Variants in TBC1D16 observed in about 807,000 individuals in gnomAD.
TBC1D16 encodes the protein TBC1 domain family member 16.
Under a neutral mutation model 74.7 loss-of-function variants are expected in TBC1D16, and 58 were observed. That is an observed-to-expected ratio of 0.78 (90% CI 0.63 to 0.97). TBC1D16 has a LOEUF of 0.97. TBC1D16 is among the 50% of genes least tolerant of loss of function. The pLI, the probability that TBC1D16 is intolerant of heterozygous loss-of-function variation, is 0.00. For missense variants in TBC1D16, 1,014 were observed against 1,079.5 expected (o/e 0.94, Z 0.85); for synonymous variants, 493 against 474.7 (o/e 1.04, Z -0.50).
In TBC1D16 at chr17:80,001,529, C is replaced by T. The variant is rs2035483713; in HGVS notation, c.779+8631G>A. Among the ~76,000 whole-genome samples, 1 of 151,314 alleles carries T rather than the reference C, an allele frequency of 6.6e-6. No homozygotes were observed. Among genetic ancestry groups the T allele is most frequent in the Admixed American group, 6.6e-5 (1 of 15,196 alleles). On this transcript the variant is annotated intron_variant, in intron 3 of 11. Coordinates refer to ENST00000310924, the MANE Select transcript of TBC1D16 (RefSeq NM_019020.4). The surrounding 1 kb of genome is among the most constrained non-coding windows in gnomAD (Gnocchi z 5.8). ...GGGTTCCTGGAGCATCCTCAGGGGG[C>T]GGCGGGCGCTCTCGGGGTATCCCCG...
intron 3 of TBC1D16, among the ~76,000 whole-genome samples, chr17:80,004,894 C>T (rs553045306): frequency 6.6e-6 from 1 of 152,330 alleles, no homozygotes; most frequent in South Asian, 2.1e-4. Flanking sequence ...ACGCTGGCCT[C>T]CAACTGCCAA....
intron 1 of TBC1D16, among the ~76,000 whole-genome samples, chr17:80,024,904 T>TCA (rs145513640): frequency 0.98 from 136,829 of 139,198 alleles, 67,325 homozygotes; most frequent in Middle Eastern, 0.99. Context: ...TGCATAAACA[T>TCA]CACACACACA....
chr17:79,951,785 G>A (rs1034147338), intron 4 of TBC1D16, among the ~76,000 whole-genome samples, 188 bp from the exon 5 acceptor site: 2 of 152,172 alleles, frequency 1.3e-5, no homozygotes, highest in Non-Finnish European at 2.9e-5. Context: ...CCCCTTTGCC[G>A]AAGATGGCAA....
rs976818790 is a variant in TBC1D16 at position 79,956,967 on chromosome 17, T to C, written c.780-4149A>G. Among the ~76,000 whole-genome samples the C allele has an allele frequency of 6.6e-6, 1 of 152,192 alleles. No individual in the cohort carries two copies. The highest frequency in any genetic ancestry group is 2.4e-5 in the African/African-American group (1 of 41,460). ...GCGGTGGCTCCTGGGTCCAGGACTC[T>C]TGCCTAGATAGAAACTGGCACTGGC... is the stretch of plus-strand genomic sequence containing the variant. On this transcript the variant is annotated intron_variant, in intron 3 of 11. Coordinates refer to ENST00000310924, the MANE Select transcript of TBC1D16 (RefSeq NM_019020.4). The surrounding 1 kb of genome is among the most constrained non-coding windows in gnomAD (Gnocchi z 4.0).
intron 3 of TBC1D16, among the ~76,000 whole-genome samples, chr17:79,989,901 C>T (rs749668420): frequency 6.6e-6 from 1 of 152,082 alleles, no homozygotes; most frequent in Non-Finnish European, 1.5e-5. Context: ...AAAAGTCAGC[C>T]GAGGGGTCCC....
Position 79,981,246 on chromosome 17 carries a change from C to T in TBC1D16, c.780-28428G>A, listed in dbSNP as rs1166068164. On this transcript the variant is annotated intron_variant, in intron 3 of 11. Coordinates refer to ENST00000310924, the MANE Select transcript of TBC1D16 (RefSeq NM_019020.4). The surrounding 1 kb of genome is among the most constrained non-coding windows in gnomAD (Gnocchi z 6.9). ...AGCCAGCATCTTCCGCACCAATGCA[C>T]TGCTTGGCCCGGCTCAGAGGATTTG... is the stretch of plus-strand genomic sequence containing the variant. Among the ~76,000 whole-genome samples, 1 of 152,220 alleles carries T rather than the reference C, an allele frequency of 6.6e-6. No homozygotes were observed. The highest frequency in any genetic ancestry group is 2.4e-5 in the African/African-American group (1 of 41,454).
intron 4 of TBC1D16, 35 bp downstream of exon 4, chr17:79,952,622 C>T (rs1445263892): frequency 6.4e-7 from 1 of 1,562,142 alleles, no homozygotes; most frequent in Non-Finnish European, 8.7e-7. Flanking sequence ...CACACACAGG[C>T]CAACTCCCAG....
chr17:80,010,251 A>G lies in TBC1D16; in HGVS notation c.688T>C (p.Ser230Pro). The G allele has an allele frequency of 1.2e-6, 2 of 1,613,460 alleles. No individual in the cohort carries two copies. The highest frequency in any genetic ancestry group is 1.7e-6 in the Non-Finnish European group (2 of 1,179,832). The stretch of plus-strand genomic sequence containing the variant: ...CAGAAGGGCGAGGAGAAGGTGTCTG[A>G]GTCTGAGTCAAAGGAGCTGTCTCTG... ...VSRDSSFDSD[S>P]DTFSSPFCLS... Residue 230 changes from serine to proline, a missense_variant, in exon 3 of 12, where the codon TCA becomes CCA. Ser to Pro is a moderately conservative substitution (Grantham distance 74). Coordinates refer to ENST00000310924, the MANE Select transcript of TBC1D16 (RefSeq NM_019020.4). This position sits in a 1 kb window ranked among gnomAD's most constrained non-coding sequence, Gnocchi z 8.8.
In TBC1D16 at chr17:80,009,091, C is replaced by T. The variant is rs2144656080; in HGVS notation, c.779+1069G>A. On this transcript the variant is annotated intron_variant, in intron 3 of 11. Transcript: ENST00000310924. This position sits in a 1 kb window ranked among gnomAD's most constrained non-coding sequence, Gnocchi z 5.4. Reference sequence around the variant, plus strand: ...AGGGCCCACCTCACGGGGCGTGGGGCTGTGGAAAGCACACACGTACCATCC... The same window carrying T: ...AGGGCCCACCTCACGGGGCGTGGGGTTGTGGAAAGCACACACGTACCATCC... 6.6e-6 allele frequency among the ~76,000 whole-genome samples: 1 copy of T among 152,366 alleles called. No homozygotes were observed. The highest frequency in any genetic ancestry group is 3.4e-3 in the Middle Eastern group (1 of 294).
Position 79,941,984 on chromosome 17 carries a change from C to G in TBC1D16, c.2055+76G>C. 7.2e-7 allele frequency: 1 copy of G among 1,391,278 alleles called. No homozygotes were observed. The highest frequency in any genetic ancestry group is 9.6e-7 in the Non-Finnish European group (1 of 1,046,542). 86.2% of individuals were successfully genotyped at this position (1,391,278 alleles called of 1,614,324 possible). On this transcript the variant is annotated intron_variant, in intron 11 of 11. Transcript: ENST00000310924. This position sits in a 1 kb window ranked among gnomAD's most constrained non-coding sequence, Gnocchi z 4.3. ...GGGGCCCACATCTGGGGCAGCCTCA[C>G]CTTTCTGAGAACGAGCTGGTGGGGT...
chr17:79,946,429 C>T (rs895869899), intron 9 of TBC1D16, among the ~76,000 whole-genome samples: 1 of 152,220 alleles, frequency 6.6e-6, no homozygotes, highest in African/African-American at 2.4e-5. Flanking sequence ...TCACCTCCTG[C>T]GGTGCGGCCA....
chr17:79,996,892 G>C (rs904383579), intron 3 of TBC1D16, among the ~76,000 whole-genome samples: 3 of 152,220 alleles, frequency 2.0e-5, no homozygotes, highest in African/African-American at 7.2e-5. Flanking sequence ...TGAATGGGAA[G>C]CCATGGTTCA....
rs549159034 is a variant in TBC1D16 at position 79,994,031 on chromosome 17, C to T, written c.779+16129G>A. On this transcript the variant is annotated intron_variant, in intron 3 of 11. Coordinates refer to ENST00000310924, the MANE Select transcript of TBC1D16 (RefSeq NM_019020.4). This position sits in a 1 kb window ranked among gnomAD's most constrained non-coding sequence, Gnocchi z 4.6. ...GCAGGGAGCGCCCATCCCTGGGGAG[C>T]ACTGCCTCTCCAGGAGCCTGAACTT... is the stretch of plus-strand genomic sequence containing the variant. 5.3e-5 allele frequency among the ~76,000 whole-genome samples: 8 copies of T among 152,296 alleles called. No individual in the cohort carries two copies. The East Asian group carries it at 1.4e-3, about 26-fold the overall frequency.
At chr17:79,958,954 C>A (rs2033471537) in intron 3 of TBC1D16, among the ~76,000 whole-genome samples, 1 of 152,352 alleles carries the variant, frequency 6.6e-6, no homozygotes, top group African/African-American at 2.4e-5. Flanking sequence ...AGGAACAGAA[C>A]TGCCCCTATT....
chr17:79,969,501 C>G (rs1444224470), intron 3 of TBC1D16, among the ~76,000 whole-genome samples: 3 of 152,144 alleles, frequency 2.0e-5, no homozygotes, highest in African/African-American at 7.2e-5. Context: ...TGAGGAGGTC[C>G]TAGAGAAATC....
chr17:79,952,688 C>T lies in TBC1D16; in HGVS notation c.910G>A (p.Gly304Ser). The T allele has an allele frequency of 6.2e-7, 1 of 1,606,390 alleles. No individual in the cohort carries two copies. The highest frequency in any genetic ancestry group is 8.5e-7 in the Non-Finnish European group (1 of 1,174,472). ...QICGVFRVDLGHMRSLRLFFS... is the reference protein window; with the variant it reads ...QICGVFRVDLSHMRSLRLFFS... ...AAAAGGCGGAGGGAGCGCATGTGGC[C>T]CAGGTCCACGCGGAACACGCCGCAA... Residue 304 changes from glycine to serine, a missense_variant, in exon 4 of 12, where the codon GGC becomes AGC. Physicochemically the swap from Gly to Ser is moderately conservative, Grantham distance 56. Coordinates refer to ENST00000310924, the MANE Select transcript of TBC1D16 (RefSeq NM_019020.4).
rs62076647 is a variant in TBC1D16 at position 79,940,763 on chromosome 17, C to A, written c.*96G>T. ...AAAAGCATTTTCCTTAGGTTTCTAC[C>A]GTCCCCTGTCCCCTTCACGCCCAGC... On this transcript the variant is annotated 3_prime_UTR_variant, in exon 12 of 12. Transcript: ENST00000310924. This position sits in a 1 kb window ranked among gnomAD's most constrained non-coding sequence, Gnocchi z 5.4. The A allele has an allele frequency of 1.5e-6, 2 of 1,347,384 alleles. No homozygotes were observed. The highest frequency in any genetic ancestry group is 2.0e-6 in the Non-Finnish European group (2 of 1,025,002). 83.5% of individuals were successfully genotyped at this position (1,347,384 alleles called of 1,614,324 possible). A position where few individuals can be genotyped will look rare whatever the true frequency, so the allele number is the denominator to read the frequency against.
Position 79,971,712 on chromosome 17 carries a change from C to T in TBC1D16, c.780-18894G>A, listed in dbSNP as rs965430611. ...AGGAAGACCTGAGGAAGCTGGTGCC[C>T]GACCCACCAGGAGACATGGACCTCA... On this transcript the variant is annotated intron_variant, in intron 3 of 11. Transcript: ENST00000310924. This position sits in a 1 kb window ranked among gnomAD's most constrained non-coding sequence, Gnocchi z 4.6. 2.6e-4 allele frequency among the ~76,000 whole-genome samples: 39 copies of T among 152,138 alleles called. No homozygotes were observed. The highest frequency in any genetic ancestry group is 9.2e-4 in the African/African-American group (38 of 41,418).
intron 3 of TBC1D16, among the ~76,000 whole-genome samples, chr17:79,953,450 T>A (rs187726601): frequency 2.2e-4 from 34 of 152,342 alleles, no homozygotes; most frequent in African/African-American, 8.2e-4. Context: ...TTGCAATTAA[T>A]CTTCACAAAA....
Sources: allele counts gnomAD v4.1 joint callset (sites outside exome capture counted in the v4.1 genomes callset), GRCh38; gene constraint gnomAD v4.1.1; non-coding constraint Gnocchi (gnomAD v3.1); transcripts MANE v1.5; gene names NCBI Gene and HGNC (gene_info 2026-07-23, HGNC 2026-07-21).